ARSB: variants seen among roughly 807,000 people sequenced by gnomAD.
ARSB encodes arylsulfatase B.
Under a neutral mutation model 50.9 loss-of-function variants are expected in ARSB, and 41 were observed. The observed-to-expected ratio is 0.81, with a 90% CI of 0.63 to 1.04. The LOEUF is 1.04. Ranked by LOEUF, ARSB falls within the 50% of genes least tolerant of loss-of-function variation. ARSB has a pLI of 0.00. For synonymous variants in ARSB, 269 were observed against 284.8 expected (o/e 0.94, Z 0.56); for missense variants, 672 against 693.3 (o/e 0.97, Z 0.35).
intron 4 of ARSB, among the ~76,000 whole-genome samples, chr5:78,902,242 T>C (rs1282789502): frequency 6.6e-6 from 1 of 152,254 alleles, no homozygotes; most frequent in Non-Finnish European, 1.5e-5. Context: ...CTATTCATGA[T>C]GGCAAAACCC....
At chr5:78,808,472 T>A (rs925751530) in intron 6 of ARSB, among the ~76,000 whole-genome samples, 1 of 152,128 alleles carries the variant, frequency 6.6e-6, no homozygotes, top group Non-Finnish European at 1.5e-5. Context: ...TGACTCCACA[T>A]GGTTTTTAAG....
chr5:78,800,972 C>CAAGAA lies in ARSB; in HGVS notation c.1214-18999_1214-18998insTTCTT, dbSNP rs375835321. ...GGAAGAGTACAAGGTGAGAATTCACCAAGTTTGTTTGGACTCTGGATAGTT... is the reference window on the plus strand; with the variant it reads ...GGAAGAGTACAAGGTGAGAATTCACCAAGAAAAGTTTGTTTGGACTCTGGATAGTT... On this transcript the variant is annotated intron_variant, in intron 6 of 7. Coordinates refer to ENST00000264914, the MANE Select transcript of ARSB (RefSeq NM_000046.5). 4.2e-3 allele frequency among the ~76,000 whole-genome samples: 632 copies of CAAGAA among 152,196 alleles called. 4 individuals are homozygous for CAAGAA. Among genetic ancestry groups the CAAGAA allele is most frequent in the African/African-American group, 0.014 (591 of 41,520 alleles).
intron 6 of ARSB, among the ~76,000 whole-genome samples, chr5:78,806,055 C>T (rs1743547524): frequency 6.6e-6 from 1 of 152,144 alleles, no homozygotes; most frequent in Non-Finnish European, 1.5e-5. Context: ...TTTCTGTGAG[C>T]GTTAAATGCA....
chr5:78,948,987 T>C (rs964058496), intron 4 of ARSB, among the ~76,000 whole-genome samples: 3 of 152,162 alleles, frequency 2.0e-5, no homozygotes, highest in Admixed American at 6.5e-5. Flanking sequence ...TGTGGTGAAA[T>C]TCACATTACA....
chr5:78,779,858 C>T lies in ARSB; in HGVS notation c.*539G>A, dbSNP rs1395529344. 1 of 163,910 alleles carries T rather than the reference C, an allele frequency of 6.1e-6. No homozygotes were observed. The highest frequency in any genetic ancestry group is 1.3e-5 in the Non-Finnish European group (1 of 75,198). The allele number at this position is 163,910 out of a possible 1,614,324, so 10.2% of individuals were successfully genotyped here. On this transcript the variant is annotated 3_prime_UTR_variant, in exon 8 of 8. Transcript: ENST00000264914. ...CTGTTGACCTGAACAACAAAATGGG[C>T]CTTATGCTCTGTGATGAGATAAGTG... is the stretch of plus-strand genomic sequence containing the variant.
At chr5:78,943,051 C>T (rs372768073) in intron 4 of ARSB, among the ~76,000 whole-genome samples, 4 of 152,004 alleles carry the variant, frequency 2.6e-5, no homozygotes, top group East Asian at 1.9e-4. Context: ...TCTTTGTCTC[C>T]TTTGATCTTT....
chr5:78,942,611 C>T (rs148041645), intron 4 of ARSB, among the ~76,000 whole-genome samples: 1 of 152,172 alleles, frequency 6.6e-6, no homozygotes, highest in Non-Finnish European at 1.5e-5. Context: ...GTTTCTTAAT[C>T]CTGAGTTCTA....
intron 4 of ARSB, among the ~76,000 whole-genome samples, chr5:78,904,827 G>A (rs337856): frequency 0.6 from 91,441 of 151,542 alleles, 28,866 homozygotes; most frequent in East Asian, 0.98. Context: ...TAGCTGGGAC[G>A]ACAGGCGTGT....
In ARSB at chr5:78,779,498, A is replaced by G. The variant is rs1387411139; in HGVS notation, c.*899T>C. The G allele has an allele frequency of 6.6e-6, 1 of 152,314 alleles. No individual in the cohort carries two copies. Among genetic ancestry groups the G allele is most frequent in the Non-Finnish European group, 1.5e-5 (1 of 68,112 alleles). The allele number at this position is 152,314 out of a possible 1,614,324, so 9.4% of individuals were successfully genotyped here. On this transcript the variant is annotated 3_prime_UTR_variant, in exon 8 of 8. Transcript: ENST00000264914. Reference sequence around the variant, plus strand: ...TCGCTGAACAGATGCCACAGAGCCAAGCATCTCCCACCCAGCCCTCTTAGT... The same window carrying G: ...TCGCTGAACAGATGCCACAGAGCCAGGCATCTCCCACCCAGCCCTCTTAGT...
At chr5:78,933,979 C>A (rs1426482618) in intron 4 of ARSB, among the ~76,000 whole-genome samples, 1 of 152,196 alleles carries the variant, frequency 6.6e-6, no homozygotes, top group South Asian at 2.1e-4. Flanking sequence ...CTGTTAAAGG[C>A]TCTGAAGGTG....
rs140968988 is a variant in ARSB at position 78,811,231 on chromosome 5, T to C, written c.1213+28125A>G. ...CCCATTTCCTAGTACAGTGAAACAA[T>C]GGATGCTCTGGAATGTTTGTTGATT... On this transcript the variant is annotated intron_variant, in intron 6 of 7. Transcript: ENST00000264914. 1.6e-3 allele frequency among the ~76,000 whole-genome samples: 241 copies of C among 152,318 alleles called. 1 individual carries two copies. The highest frequency in any genetic ancestry group is 5.4e-3 in the African/African-American group (226 of 41,568).
intron 4 of ARSB, among the ~76,000 whole-genome samples, chr5:78,914,598 C>A (rs59872099): frequency 6.6e-6 from 1 of 152,150 alleles, no homozygotes; most frequent in Non-Finnish European, 1.5e-5. Context: ...GAATGGCCCA[C>A]GTATCAGAAT....
intron 5 of ARSB, among the ~76,000 whole-genome samples, chr5:78,842,423 A>G (rs1344137110): frequency 1.3e-5 from 2 of 152,168 alleles, no homozygotes; most frequent in East Asian, 3.8e-4. Flanking sequence ...GGGGAGGAGA[A>G]TCCTCAGGGC....
chr5:78,859,223 T>C (rs1037528838), intron 5 of ARSB, among the ~76,000 whole-genome samples: 1 of 152,192 alleles, frequency 6.6e-6, no homozygotes, highest in Non-Finnish European at 1.5e-5. Flanking sequence ...AAAATGTTGA[T>C]GAAATTCAGT....
At chr5:78,864,710 A>T (rs983248681) in intron 5 of ARSB, among the ~76,000 whole-genome samples, 1 of 152,256 alleles carries the variant, frequency 6.6e-6, no homozygotes, top group East Asian at 1.9e-4. Flanking sequence ...CCTTATGCCT[A>T]TGAGCCTGTA....
intron 1 of ARSB, among the ~76,000 whole-genome samples, chr5:78,975,578 G>A (rs1384398405): frequency 6.6e-6 from 1 of 152,138 alleles, no homozygotes. Context: ...TGGTACCCAA[G>A]GTAAGGACAT....
rs1198207935 is a variant in ARSB at position 78,777,905 on chromosome 5, A to AT, written c.*2491dup. On this transcript the variant is annotated 3_prime_UTR_variant, in exon 8 of 8. Transcript: ENST00000264914. ...AAATAACATTATTTCTAACAACAAT[A>AT]TATCAATCTTTTCACATTCTTATAT... is the stretch of plus-strand genomic sequence containing the variant. 6.6e-6 allele frequency: 1 copy of AT among 152,144 alleles called. No homozygotes were observed. Among genetic ancestry groups the AT allele is most frequent in the Non-Finnish European group, 1.5e-5 (1 of 68,044 alleles). The allele number at this position is 152,144 out of a possible 1,614,324, so 9.4% of individuals were successfully genotyped here. A position where few individuals can be genotyped will look rare whatever the true frequency, so the allele number is the denominator to read the frequency against.
At chr5:78,915,334 C>G (rs907716888) in intron 4 of ARSB, among the ~76,000 whole-genome samples, 6 of 151,448 alleles carry the variant, frequency 4.0e-5, no homozygotes, top group African/African-American at 1.5e-4. Flanking sequence ...TAGGACCTTT[C>G]TGAGCTGCAT....
At chr5:78,968,820 C>CCCA (rs1752321679) in intron 2 of ARSB, among the ~76,000 whole-genome samples, 186 bp downstream of exon 2, 1 of 152,162 alleles carries the variant, frequency 6.6e-6, no homozygotes, top group South Asian at 2.1e-4. Flanking sequence ...AATGGGTTTG[C>CCCA]CCACCATAAG....
Sources: allele counts gnomAD v4.1 joint callset (sites outside exome capture counted in the v4.1 genomes callset), GRCh38; gene constraint gnomAD v4.1.1; transcripts MANE v1.5; gene names NCBI Gene and HGNC (gene_info 2026-07-23, HGNC 2026-07-21).